Variants in ANK3 observed in about 807,000 individuals in gnomAD.
ANK3 encodes the protein ankyrin 3.
Under a neutral mutation model 370.9 loss-of-function variants are expected in ANK3, and 57 were observed. The observed-to-expected ratio is 0.15, with a 90% CI of 0.12 to 0.19. The LOEUF is 0.19. ANK3 is among the 10% of genes least tolerant of loss of function. The probability of loss-of-function intolerance (pLI) is 1.00; values close to 1 mark genes in which losing one functional copy is unlikely to be tolerated. For missense variants in ANK3, 4,439 were observed against 5,302.1 expected (o/e 0.84, Z 5.06); for synonymous variants, 1,929 against 1,946.3 (o/e 0.99, Z 0.23).
At chr10:60,295,235 C>T (rs553716733) in intron 1 of ANK3, among the ~76,000 whole-genome samples, 2 of 152,252 alleles carry the variant, frequency 1.3e-5, no homozygotes, top group Non-Finnish European at 2.9e-5. Flanking sequence ...CCCAGGATGC[C>T]TAAGTTCACA....
chr10:60,138,545 C>A, intron 24 of ANK3: 1 of 404,124 alleles, frequency 2.5e-6, no homozygotes, highest in Admixed American at 4.2e-5. Flanking sequence ...CTCTTTTAAT[C>A]ATGAATTATT....
intron 2 of ANK3, among the ~76,000 whole-genome samples, chr10:60,598,597 A>T (rs2078019710): frequency 6.6e-6 from 1 of 152,200 alleles, no homozygotes; most frequent in South Asian, 2.1e-4. Flanking sequence ...CAAAATTGTG[A>T]CTATATTTAG....
intron 1 of ANK3, among the ~76,000 whole-genome samples, chr10:60,683,936 T>C (rs1412376877): frequency 1.3e-5 from 2 of 152,174 alleles, no homozygotes; most frequent in Middle Eastern, 3.2e-3. Flanking sequence ...GAAAGGTAGG[T>C]TTACTTCAGA....
chr10:60,635,822 A>C (rs1419313509), intron 1 of ANK3, among the ~76,000 whole-genome samples: 3 of 152,186 alleles, frequency 2.0e-5, no homozygotes, highest in African/African-American at 7.2e-5. Flanking sequence ...CTCACATTGC[A>C]CAACAGGTAA....
chr10:60,300,248 C>T (rs868372102), intron 1 of ANK3: 2 of 938,882 alleles, frequency 2.1e-6, no homozygotes. Flanking sequence ...TTTTAAAAGG[C>T]ACAACTATTC....
chr10:60,081,983 GGAA>G (rs2085395148), intron 35 of ANK3, 164 bp downstream of exon 35: 3 of 462,990 alleles, frequency 6.5e-6, no homozygotes, highest in Non-Finnish European at 7.6e-6. Flanking sequence ...AAGTACGTGT[GGAA>G]GAAGAGTGAA....
intron 1 of ANK3, among the ~76,000 whole-genome samples, chr10:60,726,271 C>T (rs1329473872): frequency 1.3e-5 from 2 of 152,152 alleles, no homozygotes; most frequent in Non-Finnish European, 2.9e-5. Context: ...ATTGTACAGC[C>T]AGAAAACCCC....
At chr10:60,253,507 C>T (rs1284160268) in intron 7 of ANK3, among the ~76,000 whole-genome samples, 1 of 152,180 alleles carries the variant, frequency 6.6e-6, no homozygotes, top group East Asian at 1.9e-4. Context: ...GTAAGAGATT[C>T]TCCTTTGATG....
chr10:60,082,816 T>C, intron 33 of ANK3, 79 bp from the exon 34 acceptor site: 1 of 1,492,866 alleles, frequency 6.7e-7, no homozygotes, highest in Non-Finnish European at 9.0e-7. Context: ...TTAAGCATGG[T>C]TGTTTTATCA....
rs142507637 is a variant in ANK3 at position 60,072,558 on chromosome 10, C to G, written c.8323G>C (p.Asp2775His). The change falls in exon 37 of 44, where the codon GAT becomes CAT. Residue 2775 changes from aspartate to histidine, a missense_variant. By Grantham distance (81) the Asp-to-His change is moderately conservative (BLOSUM62 -1). Around this residue, in one of 13 missense-constraint regions of ANK3, gnomAD observed 1,601 missense variants for 1,731.7 expected, o/e 0.92. Transcript: ENST00000280772. The part of the protein sequence containing the change: ...EKQQKAIDLP[D>H]ESVSVQKDFM... The stretch of plus-strand genomic sequence containing the variant: ...TCTTTTTGCACAGATACACTTTCAT[C>G]TGGGAGGTCTATGGCCTTCTGCTGT... The G allele has an allele frequency of 2.7e-5, 44 of 1,613,308 alleles. No individual in the cohort carries two copies. The highest frequency in any genetic ancestry group is 4.0e-5 in the African/African-American group (3 of 74,840).
At chr10:60,050,286 C>G (rs905570149) in intron 42 of ANK3, among the ~76,000 whole-genome samples, 1 of 152,112 alleles carries the variant, frequency 6.6e-6, no homozygotes, top group East Asian at 1.9e-4. Flanking sequence ...TTTAAAGGAA[C>G]CCTATTGAGC....
At chr10:60,195,320 C>T (rs554821437) in intron 16 of ANK3, among the ~76,000 whole-genome samples, 1 of 148,692 alleles carries the variant, frequency 6.7e-6, no homozygotes, top group South Asian at 2.1e-4. Context: ...GGAGGCGGAG[C>T]TTGCAGAGAG....
Position 60,042,839 on chromosome 10 carries a change from C to T in ANK3, c.13066-80G>A, listed in dbSNP as rs1049829007. On this transcript the variant is annotated intron_variant, in intron 42 of 43. Transcript: ENST00000280772. The stretch of plus-strand genomic sequence containing the variant: ...AGCAGTCCATTCTGATCCTTGGAGG[C>T]TGGATTAGGACAAGCGAAACAGTTT... 1.4e-4 allele frequency: 225 copies of T among 1,591,586 alleles called. 1 individual carries two copies. In the South Asian group the frequency reaches 2.3e-3, roughly 16 times the overall value.
chr10:60,481,188 C>G (rs1033408478), intron 2 of ANK3, among the ~76,000 whole-genome samples: 1 of 152,158 alleles, frequency 6.6e-6, no homozygotes, highest in African/African-American at 2.4e-5. Context: ...TACTGTTTGT[C>G]AAACAGTAGC....
At chr10:60,400,005 A>G (rs2063322560) in intron 2 of ANK3, among the ~76,000 whole-genome samples, 1 of 133,108 alleles carries the variant, frequency 7.5e-6, no homozygotes, top group Admixed American at 8.3e-5. Flanking sequence ...AAAACCTCCA[A>G]TACAGTGTGT....
intron 1 of ANK3, chr10:60,300,187 T>C: frequency 8.8e-6 from 4 of 454,736 alleles, no homozygotes; most frequent in Non-Finnish European, 4.2e-6. Context: ...TTAACTCAAG[T>C]GATCCGTAGT....
intron 28 of ANK3, among the ~76,000 whole-genome samples, chr10:60,103,487 GAT>G (rs758044066): frequency 3.3e-5 from 5 of 150,578 alleles, no homozygotes; most frequent in Admixed American, 6.6e-5. Context: ...ACAGATTTGG[GAT>G]TTTTTTTTTG....
chr10:60,615,718 G>C (rs1044183370), intron 1 of ANK3, among the ~76,000 whole-genome samples: 7 of 152,138 alleles, frequency 4.6e-5, no homozygotes, highest in African/African-American at 1.7e-4. Context: ...TGTTTACCAA[G>C]GGTCAGAATA....
At chr10:60,304,792 G>C (rs999815198) in intron 1 of ANK3, among the ~76,000 whole-genome samples, 1 of 152,098 alleles carries the variant, frequency 6.6e-6, no homozygotes, top group African/African-American at 2.4e-5. Flanking sequence ...CCAGTTACAG[G>C]TTGTTCATTA....
Sources: allele counts gnomAD v4.1 joint callset (sites outside exome capture counted in the v4.1 genomes callset), GRCh38; gene constraint gnomAD v4.1.1; regional missense constraint gnomAD v4.1.1; transcripts MANE v1.5; gene names NCBI Gene and HGNC (gene_info 2026-07-23, HGNC 2026-07-21).